The following ZNF713 variants were observed in gnomAD, a reference collection of about 807,000 sequenced individuals.
ZNF713 encodes zinc finger protein 713.
Under a neutral mutation model 28.7 loss-of-function variants are expected in ZNF713, and 21 were observed. The observed-to-expected ratio is 0.73, with a 90% CI of 0.52 to 1.05. The LOEUF is 1.05. Among genes scored for constraint, ZNF713 ranks in the 50% least tolerant of loss-of-function variants. The pLI, the probability that ZNF713 is intolerant of heterozygous loss-of-function variation, is 0.00. For synonymous variants in ZNF713, 167 were observed against 178.0 expected (o/e 0.94, Z 0.49); for missense variants, 458 against 532.4 (o/e 0.86, Z 1.37).
At chr7:55,938,681 T>C (rs1425557499) in intron 6 of ZNF713, among the ~76,000 whole-genome samples, 2 of 152,206 alleles carry the variant, frequency 1.3e-5, no homozygotes, top group African/African-American at 2.4e-5. Flanking sequence ...TCAGAGACTT[T>C]TCCCTGATAT....
rs4075710 is a variant in ZNF713, at chr7:55,888,743, A to G, written c.-583+1063A>G. ...GCACTGAATACATATACGTACATAC[A>G]TACATAGATTTTTTTCATTTAAAAT... On this transcript the variant is annotated intron_variant, in intron 1 of 6. Coordinates refer to ENST00000429591, the MANE Select transcript of ZNF713 (RefSeq NM_182633.3). 6.3e-3 allele frequency among the ~76,000 whole-genome samples: 689 copies of G among 108,702 alleles called. 6 individuals are homozygous for G. Among genetic ancestry groups the G allele is most frequent in the African/African-American group, 0.023 (661 of 28,140 alleles). The allele number at this position is 108,702 out of a possible 152,430, so 71.3% of individuals were successfully genotyped here.
chr7:55,934,093 A>G (rs1786296103), intron 6 of ZNF713, among the ~76,000 whole-genome samples: 1 of 152,156 alleles, frequency 6.6e-6, no homozygotes, highest in Non-Finnish European at 1.5e-5. Context: ...TAGGAAGAAT[A>G]ATTTAGTTTT....
intron 1 of ZNF713, among the ~76,000 whole-genome samples, chr7:55,898,627 A>G (rs1319505061): frequency 2.6e-5 from 4 of 152,236 alleles, no homozygotes; most frequent in Non-Finnish European, 5.9e-5. Context: ...CTGTGATCCA[A>G]TCACCTTCCA....
At chr7:55,890,261 C>A (rs548613223) in intron 1 of ZNF713, among the ~76,000 whole-genome samples, 1 of 151,780 alleles carries the variant, frequency 6.6e-6, no homozygotes, top group Non-Finnish European at 1.5e-5. Context: ...ACCAACTTGG[C>A]CAACATGGTG....
intron 4 of ZNF713, among the ~76,000 whole-genome samples, chr7:55,919,559 G>A (rs1400194345): frequency 7.7e-6 from 1 of 129,230 alleles, no homozygotes; most frequent in Non-Finnish European, 1.6e-5. Flanking sequence ...AGGCTAGAGT[G>A]CAGTGGCACG....
intron 6 of ZNF713, among the ~76,000 whole-genome samples, chr7:55,929,904 G>A (rs34719181): frequency 0.047 from 7,102 of 152,128 alleles, 295 homozygotes; most frequent in East Asian, 0.22. Context: ...CAAAAATTCT[G>A]CATGGTATAA....
chr7:55,913,195 C>CTTTTT (rs66851959), intron 4 of ZNF713, among the ~76,000 whole-genome samples: 12 of 88,130 alleles, frequency 1.4e-4, no homozygotes, highest in Middle Eastern at 9.3e-3. Flanking sequence ...GTTTTGATTC[C>CTTTTT]TTTTTTTTTT....
intron 4 of ZNF713, among the ~76,000 whole-genome samples, chr7:55,915,418 G>C (rs1185114814): frequency 6.6e-6 from 1 of 152,008 alleles, no homozygotes; most frequent in Non-Finnish European, 1.5e-5. Flanking sequence ...AGACATCACT[G>C]AGAAAAATAG....
At chr7:55,909,321 T>G (rs1360966956) in intron 2 of ZNF713, among the ~76,000 whole-genome samples, 1 of 152,178 alleles carries the variant, frequency 6.6e-6, no homozygotes, top group Non-Finnish European at 1.5e-5. Flanking sequence ...TTTTGTTAAC[T>G]TTGTCAAAGA....
At chr7:55,897,379 A>T (rs1486614892) in intron 1 of ZNF713, among the ~76,000 whole-genome samples, 2 of 151,878 alleles carry the variant, frequency 1.3e-5, no homozygotes, top group African/African-American at 2.4e-5. Context: ...TTCCAGGCTC[A>T]AGCAACCCTC....
chr7:55,887,764 G>GAGGCGGC (rs1562731226), intron 1 of ZNF713, 84 bp downstream of exon 1: 3 of 1,718 alleles, frequency 1.7e-3, no homozygotes, highest in Non-Finnish European at 3.2e-3. Flanking sequence ...GCGGAGGCGG[G>GAGGCGGC]GGGCGGAGGC....
chr7:55,895,075 GT>G (rs1384106953), intron 1 of ZNF713, among the ~76,000 whole-genome samples: 1 of 152,090 alleles, frequency 6.6e-6, no homozygotes, highest in Non-Finnish European at 1.5e-5. Flanking sequence ...TAAAATGAGG[GT>G]ATTTCCATGG....
intron 4 of ZNF713, among the ~76,000 whole-genome samples, chr7:55,913,358 C>G (rs563755513): frequency 3.3e-4 from 50 of 152,028 alleles, no homozygotes; most frequent in Non-Finnish European, 4.9e-4. Flanking sequence ...CCCACCACCA[C>G]GCCCGGCCAA....
At chr7:55,904,689 G>T (rs1288464453) in intron 1 of ZNF713, among the ~76,000 whole-genome samples, 2 of 151,796 alleles carry the variant, frequency 1.3e-5, no homozygotes, top group Non-Finnish European at 2.9e-5. Context: ...GTTGCAAAAG[G>T]GGTGTGTGGC....
At chr7:55,899,080 A>G (rs1218214131) in intron 1 of ZNF713, among the ~76,000 whole-genome samples, 1 of 152,122 alleles carries the variant, frequency 6.6e-6, no homozygotes. Context: ...TCGGCCAGGC[A>G]CGGTGGTTCA....
intron 6 of ZNF713, among the ~76,000 whole-genome samples, chr7:55,935,438 A>T (rs1257464439): frequency 6.6e-6 from 1 of 152,198 alleles, no homozygotes; most frequent in Non-Finnish European, 1.5e-5. Flanking sequence ...TACATACATT[A>T]TCCTGTTTTG....
At chr7:55,912,597 C>T (rs751006174) in intron 3 of ZNF713, 38 bp from the exon 4 acceptor site, 126 of 1,443,184 alleles carry the variant, frequency 8.7e-5, no homozygotes, top group Non-Finnish European at 1.1e-4. Context: ...ATTTAACCTT[C>T]GTGTCATATA....
chr7:55,904,318 C>G lies in ZNF713; in HGVS notation c.-582-1935C>G, dbSNP rs538622833. ...TTCTACTAAAAATACAAAAATTAGC[C>G]AGGCATGGTAGTGTACACCTGTAAT... On this transcript the variant is annotated intron_variant, in intron 1 of 6. Transcript: ENST00000429591. Among the ~76,000 whole-genome samples, 147 of 112,136 alleles carry G rather than the reference C, an allele frequency of 1.3e-3. 38 individuals are homozygous for G. Among genetic ancestry groups the G allele is most frequent in the African/African-American group, 4.5e-3 (142 of 31,476 alleles). 73.6% of individuals were successfully genotyped at this position (112,136 alleles called of 152,430 possible).
At chr7:55,912,299 G>C (rs1785798790) in intron 3 of ZNF713, among the ~76,000 whole-genome samples, 1 of 152,142 alleles carries the variant, frequency 6.6e-6, no homozygotes, top group Non-Finnish European at 1.5e-5. Flanking sequence ...AAATGCTGTT[G>C]CTCAGACCCA....
Sources: allele counts gnomAD v4.1 joint callset (sites outside exome capture counted in the v4.1 genomes callset), GRCh38; gene constraint gnomAD v4.1.1; transcripts MANE v1.5; gene names NCBI Gene and HGNC (gene_info 2026-07-23, HGNC 2026-07-21).